Variants in ZNF514 observed in about 807,000 individuals in gnomAD.
ZNF514 encodes the protein zinc finger protein 514.
Under a neutral mutation model 9.7 loss-of-function variants are expected in ZNF514, and 12 were observed. The ratio of observed to expected loss-of-function variants is 1.24; its 90% CI spans 0.79 to 2.01. The LOEUF (loss-of-function observed/expected upper bound fraction) is 2.01. Among genes scored for constraint, ZNF514 ranks in the 30% most tolerant of loss-of-function variants. The probability of loss-of-function intolerance (pLI) is 0.00; values close to 1 mark genes in which losing one functional copy is unlikely to be tolerated. For synonymous variants in ZNF514, 158 were observed against 163.7 expected, an observed-to-expected ratio of 0.97 and a Z score of 0.27; for missense variants, 467 against 465.5, an observed-to-expected ratio of 1.00 and a Z score of -0.03.
the ZNF514 span, among the ~76,000 whole-genome samples, chr2:95,133,097 C>T: frequency 6.6e-6 from 1 of 152,082 alleles, no homozygotes; most frequent in South Asian, 2.1e-4. Flanking sequence ...GTCATATACT[C>T]CTACTCAGCA....
At chr2:95,136,911 CAG>C in the ZNF514 span, among the ~76,000 whole-genome samples, 1 of 152,160 alleles carries the variant, frequency 6.6e-6, no homozygotes, top group Non-Finnish European at 1.5e-5. Flanking sequence ...AGCCAAATAC[CAG>C]AGAGTAAACA....
rs760643010 is a variant in ZNF514, at chr2:95,149,677, TGAAG to T, written c.804_807del (p.Phe269AlafsTer150). 1 of 1,614,244 alleles carries T rather than the reference TGAAG, an allele frequency of 6.2e-7. No individual in the cohort carries two copies. On this transcript the variant is annotated frameshift_variant, in exon 5 of 5. Transcript: ENST00000295208. LOFTEE classifies it low-confidence loss of function (END_TRUNC). ...TGCAGAACAAGAGACGAACTCTGGC[TGAAG>T]GCTCTCCCACATTCACTGCATTCAT...
downstream of ZNF514, among the ~76,000 whole-genome samples, chr2:95,140,713 C>T (rs1419166822): frequency 3.3e-5 from 5 of 151,804 alleles, no homozygotes; most frequent in South Asian, 4.2e-4. Flanking sequence ...CAGTGGTTCA[C>T]GCCTGTAATG....
chr2:95,149,276 CT>C lies in ZNF514; in HGVS notation c.*5del. On this transcript the variant is annotated 3_prime_UTR_variant, in exon 5 of 5. Coordinates refer to ENST00000295208, the MANE Select transcript of ZNF514 (RefSeq NM_032788.3). ...CCAGCTGAAAGCCCTTCTATATTCACTGAATTTATAGGGTTTTTTTTCCAGC... is the reference window on the plus strand; with the variant it reads ...CCAGCTGAAAGCCCTTCTATATTCACGAATTTATAGGGTTTTTTTTCCAGC... The C allele has an allele frequency of 6.4e-6, 10 of 1,556,726 alleles. No individual in the cohort carries two copies. Among genetic ancestry groups the C allele is most frequent in the Non-Finnish European group, 8.7e-6 (10 of 1,154,612 alleles).
chr2:95,140,746 C>T (rs1676815077), downstream of ZNF514, among the ~76,000 whole-genome samples: 2 of 151,296 alleles, frequency 1.3e-5, no homozygotes, highest in Non-Finnish European at 2.9e-5. Context: ...GAAGCTGAGG[C>T]AGGCAGATCA....
At chr2:95,128,786 A>AGAG in the ZNF514 span, among the ~76,000 whole-genome samples, 2 of 149,770 alleles carry the variant, frequency 1.3e-5, no homozygotes, top group African/African-American at 4.9e-5. Flanking sequence ...AGGAGGAGGA[A>AGAG]GAGGAGGAGG....
the ZNF514 span, among the ~76,000 whole-genome samples, chr2:95,125,023 G>T: frequency 6.7e-6 from 1 of 148,862 alleles, no homozygotes; most frequent in Non-Finnish European, 1.5e-5. Context: ...CTAGGTAGAG[G>T]CCTGTGCCAC....
chr2:95,154,985 C>T (rs541776271), intron 2 of ZNF514: 1 of 152,238 alleles, frequency 6.6e-6, no homozygotes, highest in African/African-American at 2.4e-5. Context: ...TATAGATTTC[C>T]CAAGGAAATC....
the ZNF514 span, among the ~76,000 whole-genome samples, chr2:95,124,248 T>C: frequency 6.6e-6 from 1 of 151,660 alleles, no homozygotes; most frequent in Non-Finnish European, 1.5e-5. Context: ...CACTAATCTG[T>C]TTCTCATCTC....
chr2:95,134,494 T>C, the ZNF514 span, among the ~76,000 whole-genome samples: 1 of 152,278 alleles, frequency 6.6e-6, no homozygotes, highest in South Asian at 2.1e-4. Flanking sequence ...TACCACACAA[T>C]TCACTCATTT....
Position 95,149,709 on chromosome 2 carries a change from G to A in ZNF514, c.776C>T (p.Pro259Leu), listed in dbSNP as rs1372094344. ...TCTCCCACATTCACTGCATTCATAG[G>A]GCTTTTCTCCAGTATGAGTTCTTTG... ...KHQRTHTGEK[P>L]YECSECGRAF... Residue 259 changes from proline to leucine, a missense_variant, in exon 5 of 5, where the codon CCC becomes CTC. Transcript: ENST00000295208. 8.7e-6 allele frequency: 14 copies of A among 1,614,202 alleles called. No homozygotes were observed. The highest frequency in any genetic ancestry group is 1.2e-5 in the Non-Finnish European group (14 of 1,180,026).
At chr2:95,158,144 G>C (rs1673737559) in intron 1 of ZNF514, among the ~76,000 whole-genome samples, 1 of 152,182 alleles carries the variant, frequency 6.6e-6, no homozygotes, top group Non-Finnish European at 1.5e-5. Context: ...GGATCCCTGA[G>C]GATCTTGTTA....
chr2:95,157,419 C>G lies in ZNF514; in HGVS notation c.-75G>C, dbSNP rs1459851243. ...CCTGGGAATCTCTCTGGAGGAAGAG[C>G]AGGATTCTGAGAAGGGGAAGCTGGG... On this transcript the variant is annotated 5_prime_UTR_variant, in exon 2 of 5. Coordinates refer to ENST00000295208, the MANE Select transcript of ZNF514 (RefSeq NM_032788.3). 7.8e-7 allele frequency: 1 copy of G among 1,289,594 alleles called. No individual in the cohort carries two copies. 79.9% of individuals were successfully genotyped at this position (1,289,594 alleles called of 1,614,324 possible).
intron 2 of ZNF514, among the ~76,000 whole-genome samples, chr2:95,156,159 G>A (rs974665822): frequency 2.0e-5 from 3 of 152,130 alleles, no homozygotes; most frequent in Non-Finnish European, 2.9e-5. Context: ...TCCTTACTAG[G>A]GGGGTTCCCC....
At chr2:95,123,540 T>A in the ZNF514 span, among the ~76,000 whole-genome samples, 2 of 152,226 alleles carry the variant, frequency 1.3e-5, no homozygotes, top group East Asian at 1.9e-4. Context: ...TACCAACAGA[T>A]CATGCAGAAC....
intron 1 of ZNF514, chr2:95,158,912 G>A (rs1369516466): frequency 2.3e-6 from 3 of 1,289,760 alleles, no homozygotes; most frequent in Admixed American, 2.3e-5. Flanking sequence ...TATCGGGCTC[G>A]GTACTAGCTC....
chr2:95,154,135 C>G (rs1238476312), intron 2 of ZNF514: 1 of 152,234 alleles, frequency 6.6e-6, no homozygotes, highest in Non-Finnish European at 1.5e-5. Flanking sequence ...CCAGGTGGGG[C>G]GATGTCATCT....
chr2:95,144,725 G>A (rs1050203904), downstream of ZNF514, among the ~76,000 whole-genome samples: 2 of 152,146 alleles, frequency 1.3e-5, no homozygotes, highest in Non-Finnish European at 2.9e-5. Context: ...GAGAATTCCT[G>A]AATTTGTAAC....
At chr2:95,137,571 C>T in the ZNF514 span, among the ~76,000 whole-genome samples, 1 of 152,190 alleles carries the variant, frequency 6.6e-6, no homozygotes, top group Admixed American at 6.5e-5. Context: ...ACCAAAGTCT[C>T]AAGAGCCCTC....
Sources: allele counts gnomAD v4.1 joint callset (sites outside exome capture counted in the v4.1 genomes callset), GRCh38; gene constraint gnomAD v4.1.1; transcripts MANE v1.5; gene names NCBI Gene and HGNC (gene_info 2026-07-23, HGNC 2026-07-21).